RASA3: variants seen among roughly 807,000 people sequenced by gnomAD.
RASA3 encodes the protein ras GTPase-activating protein 3.
RASA3 carries 73 observed loss-of-function variants against 110.0 expected under a neutral mutation model. The observed-to-expected ratio is 0.66, with a 90% confidence interval of 0.55 to 0.81. The LOEUF is 0.81. Ranked by LOEUF, RASA3 falls within the 30% of genes least tolerant of loss-of-function variation. The pLI is 0.00. For missense variants in RASA3, 976 were observed against 1,113.2 expected, an observed-to-expected ratio of 0.88 and a Z score of 1.75; for synonymous variants, 500 against 451.4, an observed-to-expected ratio of 1.11 and a Z score of -1.37.
intron 21 of RASA3, among the ~76,000 whole-genome samples, chr13:113,993,455 C>T (rs1040049176): frequency 3.3e-5 from 5 of 151,914 alleles, no homozygotes; most frequent in Admixed American, 6.6e-5. Context: ...GGATTACAGG[C>T]GTGAGCCACT....
chr13:113,980,047 T>C (rs1239360495), intron 23 of RASA3, among the ~76,000 whole-genome samples: 1 of 75,982 alleles, frequency 1.3e-5, no homozygotes, highest in East Asian at 3.5e-4. Context: ...CACCTCTGTG[T>C]GCCTCCTGTG....
chr13:114,004,011 G>A (rs1162266733), intron 18 of RASA3, among the ~76,000 whole-genome samples: 1 of 152,120 alleles, frequency 6.6e-6, no homozygotes, highest in Non-Finnish European at 1.5e-5. Context: ...TTTCCTTATG[G>A]CACCGAAGAA....
chr13:114,041,480 G>A (rs759592051), intron 3 of RASA3, among the ~76,000 whole-genome samples: 2 of 152,248 alleles, frequency 1.3e-5, no homozygotes, highest in East Asian at 1.9e-4. Context: ...CCGCTCCATC[G>A]GCAATGTGCG....
At chr13:114,030,448 G>GCAAGACTCACGCAGAGA (rs1566501652) in intron 4 of RASA3, among the ~76,000 whole-genome samples, 2,367 of 102,860 alleles carry the variant, frequency 0.023, 157 homozygotes, top group East Asian at 0.06. Flanking sequence ...TCACACAGAG[G>GCAAGACTCACGCAGAGA]GCAAGGCTCA....
In RASA3 at chr13:114,117,767, A is replaced by AGG. The variant is rs2080312055; in HGVS notation, c.55+14667_55+14668insCC. 4.3e-3 allele frequency among the ~76,000 whole-genome samples: 332 copies of AGG among 76,428 alleles called. 1 individual carries two copies. The highest frequency in any genetic ancestry group is 8.8e-3 in the African/African-American group (169 of 19,284). The allele number at this position is 76,428 out of a possible 152,430, so 50.1% of individuals were successfully genotyped here. A position where few individuals can be genotyped will look rare whatever the true frequency, so the allele number is the denominator to read the frequency against. On this transcript the variant is annotated intron_variant, in intron 1 of 23. Transcript: ENST00000334062. ...CGTGTGTGAGGGATGCACGTGTGTG[A>AGG]GAGCACGTGTGTGAGGAGAGCACGT...
At chr13:114,033,500 G>A (rs1360524533) in intron 4 of RASA3, among the ~76,000 whole-genome samples, 1 of 7,408 alleles carries the variant, frequency 1.3e-4, no homozygotes, top group Non-Finnish European at 2.2e-4. Flanking sequence ...CTGACACCAC[G>A]CCCCACGGCA....
intron 14 of RASA3, among the ~76,000 whole-genome samples, chr13:114,013,889 TCTC>T (rs879256919): frequency 0.35 from 14,729 of 42,456 alleles, 2,047 homozygotes; most frequent in Middle Eastern, 0.41. Flanking sequence ...TCTCTGTCTC[TCTC>T]TTTTTCTCTC....
intron 9 of RASA3, among the ~76,000 whole-genome samples, chr13:114,020,443 G>A (rs1208160314): frequency 2.0e-5 from 3 of 152,234 alleles, no homozygotes; most frequent in African/African-American, 7.2e-5. Context: ...ACTCAGCTCA[G>A]GGGGCCTGTG....
intron 1 of RASA3, among the ~76,000 whole-genome samples, chr13:114,107,333 C>T (rs765743723): frequency 6.6e-6 from 1 of 151,860 alleles, no homozygotes; most frequent in Non-Finnish European, 1.5e-5. Context: ...GTCCCTCCTT[C>T]GTGTCCTGAC....
intron 1 of RASA3, among the ~76,000 whole-genome samples, chr13:114,107,356 C>T (rs752345812): frequency 3.4e-5 from 5 of 149,154 alleles, no homozygotes; most frequent in African/African-American, 9.7e-5. Flanking sequence ...TCGCGGGGGA[C>T]GGGCCTGTGT....
chr13:114,109,942 C>T lies in RASA3; in HGVS notation c.55+22493G>A, dbSNP rs944424736. Among the ~76,000 whole-genome samples, 13 of 152,278 alleles carry T rather than the reference C, an allele frequency of 8.5e-5. No individual in the cohort carries two copies. The East Asian group carries it at 9.7e-4, about 11-fold the overall frequency. ...GGGCGCAACTTCCCGGTGAACGTCC[C>T]GTCTCCTCAGCCACCCACAGATGCT... On this transcript the variant is annotated intron_variant, in intron 1 of 23. Transcript: ENST00000334062.
In RASA3 at chr13:114,056,564, G is replaced by C; in HGVS notation, c.174-4409C>G. On this transcript the variant is annotated intron_variant, in intron 2 of 23. Coordinates refer to ENST00000334062, the MANE Select transcript of RASA3 (RefSeq NM_007368.4). This position sits in a 1 kb window ranked among gnomAD's most constrained non-coding sequence, Gnocchi z 5.7. ...CTCTGCACAAGTGGCTCCTCTCTCT[G>C]TAACTCTGCTTGGCAGTGGGGGGCT... 22 of 985,078 alleles carry C rather than the reference G, an allele frequency of 2.2e-5. No homozygotes were observed. The highest frequency in any genetic ancestry group is 4.7e-5 in the South Asian group (1 of 21,264). The allele number at this position is 985,078 out of a possible 1,614,324, so 61.0% of individuals were successfully genotyped here.
intron 4 of RASA3, among the ~76,000 whole-genome samples, chr13:114,034,893 C>T (rs1015469799): frequency 6.6e-6 from 1 of 152,030 alleles, no homozygotes; most frequent in African/African-American, 2.4e-5. Flanking sequence ...GAGATCTGAA[C>T]GCTGACCTGA....
chr13:114,027,442 T>A lies in RASA3; in HGVS notation c.550A>T (p.Lys184Ter), dbSNP rs572202311. Reference sequence around the variant, plus strand: ...GGATTGTTGGTCTTCCTCTTCACTTTCGTCTTCTTTGCTTCTGATCTGTTA... The same window carrying A: ...GGATTGTTGGTCTTCCTCTTCACTTACGTCTTCTTTGCTTCTGATCTGTTA... The part of the protein sequence containing the change: ...GPFRSEAKKT[K>*]VKRKTNNPQF... Residue 184 changes from lysine to a stop codon, truncating the protein, a stop_gained, in exon 7 of 24, where the codon AAA (lysine) becomes TAA (stop). Transcript: ENST00000334062. LOFTEE classifies it high-confidence loss of function. The A allele has an allele frequency of 6.2e-7, 1 of 1,612,994 alleles. No individual in the cohort carries two copies. Among genetic ancestry groups the A allele is most frequent in the East Asian group, 2.2e-5 (1 of 44,890 alleles).
chr13:113,997,473 G>A (rs1242820992), intron 20 of RASA3, among the ~76,000 whole-genome samples: 3 of 152,090 alleles, frequency 2.0e-5, no homozygotes, highest in African/African-American at 7.2e-5. Context: ...AGCAGGGGGT[G>A]GGGGCAAAGG....
intron 2 of RASA3, among the ~76,000 whole-genome samples, chr13:114,062,134 G>T (rs536554388): frequency 6.6e-6 from 1 of 151,524 alleles, no homozygotes; most frequent in Non-Finnish European, 1.5e-5. Context: ...GATTTTCCAC[G>T]ATGAGTTGAT....
intron 1 of RASA3, among the ~76,000 whole-genome samples, chr13:114,089,605 A>G (rs984214437): frequency 2.0e-5 from 3 of 152,102 alleles, no homozygotes; most frequent in African/African-American, 7.2e-5. Flanking sequence ...CTGCACGGAC[A>G]TCAGCCCTGC....
chr13:114,118,310 A>C (rs2080323940), intron 1 of RASA3, among the ~76,000 whole-genome samples: 1 of 151,922 alleles, frequency 6.6e-6, no homozygotes, highest in Non-Finnish European at 1.5e-5. Flanking sequence ...TGTGACTCAA[A>C]CCCCCCAGCC....
At chr13:114,007,699 C>T in intron 17 of RASA3, 93 bp from the exon 18 acceptor site, 5 of 1,029,774 alleles carry the variant, frequency 4.9e-6, no homozygotes, top group Non-Finnish European at 6.0e-6. Context: ...GCTACTGCCT[C>T]CTTTGTAATA....
Sources: gnomAD v4.1 joint callset for allele counts (sites outside exome capture counted in the v4.1 genomes callset) on GRCh38, gnomAD v4.1.1 for gene constraint, Gnocchi (gnomAD v3.1) non-coding constraint, MANE v1.5 for transcripts, NCBI Gene and HGNC (gene_info 2026-07-23, HGNC 2026-07-21) for gene names.